The following KCNJ6 variants were observed in gnomAD, a reference collection of about 807,000 sequenced individuals.
KCNJ6 encodes the protein potassium inwardly rectifying channel subfamily J member 6, also known as G protein-activated inward rectifier potassium channel 2.
Under a neutral mutation model 34.2 loss-of-function variants are expected in KCNJ6, and 9 were observed. The ratio of observed to expected loss-of-function variants is 0.26; its 90% confidence interval spans 0.16 to 0.46. KCNJ6 has a LOEUF of 0.46. Among genes scored for constraint, KCNJ6 ranks in the 20% least tolerant of loss-of-function variants. The pLI is 1.00. For missense variants in KCNJ6, 236 were observed against 531.3 expected, an observed-to-expected ratio of 0.44 and a Z score of 5.46; for synonymous variants, 196 against 207.1, an observed-to-expected ratio of 0.95 and a Z score of 0.46.
intron 3 of KCNJ6, among the ~76,000 whole-genome samples, chr21:37,641,073 C>A (rs1437437513): frequency 6.6e-6 from 1 of 152,140 alleles, no homozygotes; most frequent in Non-Finnish European, 1.5e-5. Flanking sequence ...TTATAGGAAC[C>A]TCACACACTT....
intron 2 of KCNJ6, among the ~76,000 whole-genome samples, chr21:37,770,892 T>C (rs979830977): frequency 6.6e-6 from 1 of 152,238 alleles, no homozygotes; most frequent in Admixed American, 6.5e-5. Context: ...CACCTATTAG[T>C]ATATCTATTA....
chr21:37,835,095 A>G (rs2055445401), intron 2 of KCNJ6, among the ~76,000 whole-genome samples: 1 of 152,184 alleles, frequency 6.6e-6, no homozygotes, highest in African/African-American at 2.4e-5. Flanking sequence ...CATGCCTGAG[A>G]GAGACTGGCA....
chr21:37,646,180 T>G (rs1452604756), intron 3 of KCNJ6, among the ~76,000 whole-genome samples: 1 of 152,220 alleles, frequency 6.6e-6, no homozygotes, highest in Non-Finnish European at 1.5e-5. Context: ...CTACATTAAC[T>G]GGGGTAATGT....
chr21:37,657,676 G>A (rs2123394911), intron 3 of KCNJ6, among the ~76,000 whole-genome samples: 1 of 152,258 alleles, frequency 6.6e-6, no homozygotes, highest in South Asian at 2.1e-4. Flanking sequence ...CTCACTTTCT[G>A]GACTCAGTGA....
chr21:37,774,128 T>A (rs2055130525), intron 2 of KCNJ6, among the ~76,000 whole-genome samples: 1 of 152,190 alleles, frequency 6.6e-6, no homozygotes, highest in East Asian at 1.9e-4. Flanking sequence ...ACTGATAGCA[T>A]AACAGGTAAG....
intron 1 of KCNJ6, among the ~76,000 whole-genome samples, chr21:37,879,104 C>T (rs1568882446): frequency 6.6e-6 from 1 of 152,156 alleles, no homozygotes; most frequent in African/African-American, 2.4e-5. Flanking sequence ...GGTGATCTTG[C>T]TATGATCTGG....
intron 3 of KCNJ6, among the ~76,000 whole-genome samples, chr21:37,660,137 A>G (rs557345330): frequency 6.6e-6 from 1 of 152,180 alleles, no homozygotes; most frequent in South Asian, 2.1e-4. Flanking sequence ...CTTGGGTGAG[A>G]CTCACGTGCA....
At chr21:37,697,618 C>T (rs1228743787) in intron 3 of KCNJ6, among the ~76,000 whole-genome samples, 1 of 152,164 alleles carries the variant, frequency 6.6e-6, no homozygotes, top group African/African-American at 2.4e-5. Flanking sequence ...GGCTTCCCAC[C>T]AACCACATTT....
At chr21:37,805,310 C>T (rs577020127) in intron 2 of KCNJ6, among the ~76,000 whole-genome samples, 1 of 151,716 alleles carries the variant, frequency 6.6e-6, no homozygotes, top group South Asian at 2.1e-4. Context: ...AATATCACTT[C>T]TGGGGAGTGA....
intron 2 of KCNJ6, among the ~76,000 whole-genome samples, chr21:37,834,128 C>T (rs1330258002): frequency 2.6e-5 from 4 of 152,204 alleles, no homozygotes; most frequent in African/African-American, 9.7e-5. Context: ...GTATGCCCAA[C>T]CTGCAATCCA....
intron 1 of KCNJ6, among the ~76,000 whole-genome samples, chr21:37,859,966 C>T (rs2055586629): frequency 6.6e-6 from 1 of 152,050 alleles, no homozygotes; most frequent in African/African-American, 2.4e-5. Flanking sequence ...TCTTTCCCAC[C>T]TTTACCCTGC....
At chr21:37,757,533 T>C (rs187255917) in intron 2 of KCNJ6, among the ~76,000 whole-genome samples, 34 of 140,966 alleles carry the variant, frequency 2.4e-4, no homozygotes, top group Admixed American at 5.6e-4. Context: ...GATTCCAGCC[T>C]GGAGTGAGCA....
chr21:37,633,987 A>G (rs1479908348), intron 3 of KCNJ6, among the ~76,000 whole-genome samples: 2 of 152,254 alleles, frequency 1.3e-5, no homozygotes, highest in African/African-American at 4.8e-5. Context: ...CAAAGACTCA[A>G]AAGTCAAAAC....
chr21:37,747,415 G>C (rs940802150), intron 2 of KCNJ6, among the ~76,000 whole-genome samples: 1 of 152,236 alleles, frequency 6.6e-6, no homozygotes, highest in Non-Finnish European at 1.5e-5. Flanking sequence ...GCTGGCAAAG[G>C]CCTTACTAGG....
intron 2 of KCNJ6, among the ~76,000 whole-genome samples, chr21:37,753,715 G>A (rs1291414944): frequency 2.0e-5 from 3 of 152,214 alleles, no homozygotes; most frequent in Non-Finnish European, 2.9e-5. Flanking sequence ...GTTACCTGCA[G>A]ATCGAGGGAA....
chr21:37,625,531 T>C (rs1365131354), intron 3 of KCNJ6, 47 bp from the exon 4 acceptor site: 8 of 1,454,442 alleles, frequency 5.5e-6, no homozygotes, highest in Non-Finnish European at 7.6e-6. Flanking sequence ...GTGTGGGCTT[T>C]CCATGGCCAA....
chr21:37,771,642 C>T (rs1304960337), intron 2 of KCNJ6, among the ~76,000 whole-genome samples: 2 of 152,180 alleles, frequency 1.3e-5, no homozygotes, highest in African/African-American at 2.4e-5. Context: ...AGTGAGGCTA[C>T]AAGCACTGCT....
At chr21:37,791,061 A>G (rs564749877) in intron 2 of KCNJ6, among the ~76,000 whole-genome samples, 7 of 152,274 alleles carry the variant, frequency 4.6e-5, no homozygotes, top group Non-Finnish European at 8.8e-5. Flanking sequence ...GCTTCATCCC[A>G]AAGTGTTGGC....
rs73208104 is a variant in KCNJ6 at position 37,840,383 on chromosome 21, A to G, written c.25+275T>C. Among the ~76,000 whole-genome samples the G allele has an allele frequency of 0.062, 9,491 of 152,290 alleles. 410 individuals carry two copies. Among genetic ancestry groups the G allele is most frequent in the Middle Eastern group, 0.1 (30 of 294 alleles). On this transcript the variant is annotated intron_variant, in intron 2 of 3. Transcript: ENST00000609713. ...CAGGTTGAAATTATTGTGAGTCCCA[A>G]TCCCCAATGCAGTGTTACAAACAAA... is the stretch of plus-strand genomic sequence containing the variant.
Sources: gnomAD v4.1 joint callset for allele counts (sites outside exome capture counted in the v4.1 genomes callset) on GRCh38, gnomAD v4.1.1 for gene constraint, MANE v1.5 for transcripts, NCBI Gene and HGNC (gene_info 2026-07-23, HGNC 2026-07-21) for gene names.